The following PRTFDC1 variants were observed in gnomAD, a reference collection of about 807,000 sequenced individuals.
PRTFDC1 encodes phosphoribosyl transferase domain containing 1.
Under a neutral mutation model 34.6 loss-of-function variants are expected in PRTFDC1, and 38 were observed. The observed-to-expected ratio is 1.10, with a 90% CI of 0.85 to 1.44. The LOEUF (loss-of-function observed/expected upper bound fraction) is 1.44. PRTFDC1 is among the 40% of genes most tolerant of loss of function. PRTFDC1 has a pLI of 0.00. For missense variants in PRTFDC1, 270 were observed against 283.0 expected (o/e 0.95, Z 0.33); for synonymous variants, 93 against 98.1 (o/e 0.95, Z 0.31).
chr10:24,882,024 C>A (rs561138921), intron 3 of PRTFDC1, among the ~76,000 whole-genome samples: 1 of 151,698 alleles, frequency 6.6e-6, no homozygotes, highest in Non-Finnish European at 1.5e-5. Flanking sequence ...CTGGCCAACA[C>A]GGTAAAACCC....
At position 24,937,383 on chromosome 10, in the gene PRTFDC1, A is replaced by G. The variant is rs372078290; in HGVS notation, c.156-16T>C. The G allele has an allele frequency of 5.6e-6, 9 of 1,597,722 alleles. No individual in the cohort carries two copies. Among genetic ancestry groups the G allele is most frequent in the Non-Finnish European group, 7.7e-6 (9 of 1,171,522 alleles). The stretch of plus-strand genomic sequence containing the variant: ...CCGCTCAATTCTGAAAGAAGGATAA[A>G]AGATATATTAAGGCACAACTACTTC... On this transcript the variant is annotated splice_polypyrimidine_tract_variant and intron_variant, in intron 2 of 8. Transcript: ENST00000320152.
At chr10:24,857,681 T>C (rs796618866) in intron 5 of PRTFDC1, among the ~76,000 whole-genome samples, 2 of 152,110 alleles carry the variant, frequency 1.3e-5, no homozygotes, top group African/African-American at 4.8e-5. Context: ...GTCTACTCCA[T>C]GGGTTATACT....
At chr10:24,908,775 G>A in intron 3 of PRTFDC1, 1 of 1,443,912 alleles carries the variant, frequency 6.9e-7, no homozygotes, top group Non-Finnish European at 9.1e-7. Flanking sequence ...AGCGATCAAT[G>A]GGGTGACTGA....
chr10:24,884,366 A>C (rs979772585), intron 3 of PRTFDC1, among the ~76,000 whole-genome samples: 1 of 152,080 alleles, frequency 6.6e-6, no homozygotes, highest in Non-Finnish European at 1.5e-5. Flanking sequence ...ATACTCACCC[A>C]CCTTCCAGCA....
Position 24,868,907 on chromosome 10 carries a change from T to C in PRTFDC1, c.405+3091A>G, listed in dbSNP as rs75512667. On this transcript the variant is annotated intron_variant, in intron 4 of 8. Coordinates refer to ENST00000320152, the MANE Select transcript of PRTFDC1 (RefSeq NM_020200.7). ...TCCTTATTTTTTAAATTTTATTTTT[T>C]CGTTGATACACAATGTTTTATGTAT... Among the ~76,000 whole-genome samples the C allele has an allele frequency of 9.8e-3, 1,499 of 152,350 alleles. 21 individuals carry two copies. Among genetic ancestry groups the C allele is most frequent in the African/African-American group, 0.034 (1,434 of 41,582 alleles).
At chr10:24,942,973 A>C (rs2132616587) in intron 1 of PRTFDC1, among the ~76,000 whole-genome samples, 1 of 152,038 alleles carries the variant, frequency 6.6e-6, no homozygotes, top group East Asian at 1.9e-4. Flanking sequence ...ATATAAAGTC[A>C]GTGTTTTATA....
At position 24,952,569 on chromosome 10, in the gene PRTFDC1, C is replaced by G. The variant is rs1014001963; in HGVS notation, c.7G>C (p.Gly3Arg). MA[G>R]SSEEAPDYGR... ...TAGTCTGGCGCCTCCTCGCTGCTCC[C>G]GGCCATGTTTCTCCCGGGGAACGCG... Residue 3 changes from glycine (G) to arginine (R), a missense_variant, in exon 1 of 9, where the codon GGG (glycine) becomes CGG (arginine). By Grantham distance (125) the Gly-to-Arg change is moderately radical. Coordinates refer to ENST00000320152, the MANE Select transcript of PRTFDC1 (RefSeq NM_020200.7). This position sits in a 1 kb window ranked among gnomAD's most constrained non-coding sequence, Gnocchi z 5.1. The G allele has an allele frequency of 1.3e-6, 2 of 1,584,002 alleles. No homozygotes were observed. The highest frequency in any genetic ancestry group is 1.8e-5 in the Admixed American group (1 of 56,638).
At chr10:24,880,508 T>A (rs979001389) in intron 3 of PRTFDC1, among the ~76,000 whole-genome samples, 7 of 152,268 alleles carry the variant, frequency 4.6e-5, no homozygotes, top group African/African-American at 1.7e-4. Context: ...TCTGTGTGAG[T>A]CTCCTGACAT....
chr10:24,951,476 T>G (rs1312003970), intron 1 of PRTFDC1: 1 of 784,270 alleles, frequency 1.3e-6, no homozygotes, highest in Non-Finnish European at 1.5e-6. Context: ...TGCTGTTAAA[T>G]TAAGCACTGA....
At chr10:24,947,515 A>G (rs1301421594) in intron 1 of PRTFDC1, among the ~76,000 whole-genome samples, 1 of 152,174 alleles carries the variant, frequency 6.6e-6, no homozygotes, top group Non-Finnish European at 1.5e-5. Flanking sequence ...AAGCTGGGGG[A>G]AGTGACAAAC....
intron 3 of PRTFDC1, among the ~76,000 whole-genome samples, chr10:24,907,585 G>T (rs1169245421): frequency 6.6e-6 from 1 of 152,174 alleles, no homozygotes; most frequent in African/African-American, 2.4e-5. Flanking sequence ...AACAGAGTGA[G>T]ACTCTGTCTC....
Position 24,863,490 on chromosome 10 carries a change from A to G in PRTFDC1, c.406-5081T>C, listed in dbSNP as rs139533072. Reference sequence around the variant, plus strand: ...TAAGAGCTCTGATGGAGATGTTTACAAGGAGATTATTTTCATGCCTGCTAA... The same window carrying G: ...TAAGAGCTCTGATGGAGATGTTTACGAGGAGATTATTTTCATGCCTGCTAA... On this transcript the variant is annotated intron_variant, in intron 4 of 8. Coordinates refer to ENST00000320152, the MANE Select transcript of PRTFDC1 (RefSeq NM_020200.7). Among the ~76,000 whole-genome samples the G allele has an allele frequency of 6.5e-4, 99 of 152,306 alleles. 1 individual carries two copies. The East Asian group carries it at 0.016, about 25-fold the overall frequency.
At chr10:24,896,094 G>A (rs112214895) in intron 3 of PRTFDC1, among the ~76,000 whole-genome samples, 1 of 152,104 alleles carries the variant, frequency 6.6e-6, no homozygotes, top group African/African-American at 2.4e-5. Flanking sequence ...AACAGTAGGT[G>A]TTCTAGAACA....
intron 6 of PRTFDC1, among the ~76,000 whole-genome samples, chr10:24,855,942 C>T (rs1374199700): frequency 6.6e-6 from 1 of 151,596 alleles, no homozygotes; most frequent in African/African-American, 2.4e-5. Context: ...GGTGAAAACC[C>T]ATCTTTACTA....
chr10:24,867,455 A>G (rs1233848736), intron 4 of PRTFDC1, among the ~76,000 whole-genome samples: 2 of 152,142 alleles, frequency 1.3e-5, no homozygotes, highest in Non-Finnish European at 2.9e-5. Flanking sequence ...ATCTCTGCTC[A>G]AATACTTTTG....
At chr10:24,902,995 G>A (rs549587020) in intron 3 of PRTFDC1, among the ~76,000 whole-genome samples, 59 of 152,250 alleles carry the variant, frequency 3.9e-4, no homozygotes, top group African/African-American at 1.4e-3. Context: ...TCACGAGTTC[G>A]AGACTAGCCT....
chr10:24,887,850 G>A (rs1209774356), intron 3 of PRTFDC1, among the ~76,000 whole-genome samples: 1 of 152,072 alleles, frequency 6.6e-6, no homozygotes, highest in African/African-American at 2.4e-5. Flanking sequence ...AGGCAGCACT[G>A]GTTACTTCCT....
rs747118309 is a variant in PRTFDC1, at chr10:24,937,191, C to A, written c.332G>T (p.Ser111Ile). ...GAACTTGTAATAACTTACCCTGTAA[C>A]TTTTTAGTCTGATGAAATCAACCTT... is the stretch of plus-strand genomic sequence containing the variant. ...SMKVDFIRLK[S>I]YRNDQSMGEM... Residue 111 changes from serine (S) to isoleucine (I), a missense_variant, in exon 3 of 9, where the codon AGT becomes ATT. By Grantham distance (142) the Ser-to-Ile change is moderately radical. Transcript: ENST00000320152. The A allele has an allele frequency of 1.2e-6, 2 of 1,611,544 alleles. No homozygotes were observed. Among genetic ancestry groups the A allele is most frequent in the East Asian group, 4.5e-5 (2 of 44,830 alleles).
intron 3 of PRTFDC1, among the ~76,000 whole-genome samples, chr10:24,884,644 T>C (rs1246477950): frequency 6.6e-6 from 1 of 152,220 alleles, no homozygotes; most frequent in Non-Finnish European, 1.5e-5. Flanking sequence ...CTGTAACAGA[T>C]TGAGCTAATG....
Sources: gnomAD v4.1 joint callset for allele counts (sites outside exome capture counted in the v4.1 genomes callset) on GRCh38, gnomAD v4.1.1 for gene constraint, Gnocchi (gnomAD v3.1) non-coding constraint, MANE v1.5 for transcripts, NCBI Gene and HGNC (gene_info 2026-07-23, HGNC 2026-07-21) for gene names.